The following IRF2 variants were observed in gnomAD, a reference collection of about 807,000 sequenced individuals.
IRF2 encodes the protein interferon regulatory factor 2.
A neutral mutation model predicts 40.6 loss-of-function variants in IRF2; 15 were observed. The observed-to-expected ratio is 0.37, with a 90% confidence interval of 0.25 to 0.57. IRF2 has a LOEUF of 0.57. IRF2 is among the 20% of genes least tolerant of loss of function. The pLI, the probability that IRF2 is intolerant of heterozygous loss-of-function variation, is 0.77. For synonymous variants in IRF2, 151 were observed against 165.5 expected, an observed-to-expected ratio of 0.91 and a Z score of 0.67; for missense variants, 317 against 455.7, an observed-to-expected ratio of 0.70 and a Z score of 2.77.
chr4:184,421,414 G>C (rs1253041528), intron 2 of IRF2, among the ~76,000 whole-genome samples: 2 of 152,176 alleles, frequency 1.3e-5, no homozygotes, highest in Non-Finnish European at 2.9e-5. Flanking sequence ...ACAGTGATCA[G>C]AAAGGGGCTG....
At chr4:184,439,109 A>T (rs910945604) in intron 1 of IRF2, among the ~76,000 whole-genome samples, 12 of 152,202 alleles carry the variant, frequency 7.9e-5, no homozygotes, top group Non-Finnish European at 1.8e-4. Context: ...TCATAGGTTC[A>T]TTTAAGAATG....
rs1188763201 is a variant in IRF2 at position 184,387,935 on chromosome 4, G to T, written c.*823C>A. ...ATAAAAAACAATTATATTTTATTTA[G>T]AATTTTACCTTGAATAAAATATTCC... On this transcript the variant is annotated 3_prime_UTR_variant, in exon 9 of 9. Coordinates refer to ENST00000393593, the MANE Select transcript of IRF2 (RefSeq NM_002199.4). 6.6e-6 allele frequency: 1 copy of T among 152,376 alleles called. No homozygotes were observed. Among genetic ancestry groups the T allele is most frequent in the Non-Finnish European group, 1.5e-5 (1 of 68,006 alleles). 9.4% of individuals were successfully genotyped at this position (152,376 alleles called of 1,614,324 possible).
Position 184,413,108 on chromosome 4 carries a change from C to T in IRF2, c.412-4833G>A, listed in dbSNP as rs1207334161. On this transcript the variant is annotated intron_variant, in intron 5 of 8. Transcript: ENST00000393593. This position sits in a 1 kb window ranked among gnomAD's most constrained non-coding sequence, Gnocchi z 4.2. ...CCGCTCTTATCTGCATCCTCCGTAC[C>T]CTCTTCCACTTTCTGGAGAAATGTC... Among the ~76,000 whole-genome samples, 1 of 152,216 alleles carries T rather than the reference C, an allele frequency of 6.6e-6. No homozygotes were observed. The highest frequency in any genetic ancestry group is 1.5e-5 in the Non-Finnish European group (1 of 68,046).
intron 1 of IRF2, among the ~76,000 whole-genome samples, chr4:184,440,502 C>G (rs1275182171): frequency 1.3e-5 from 2 of 152,246 alleles, no homozygotes; most frequent in African/African-American, 4.8e-5. Context: ...TGGCCACTTT[C>G]CCACTACAAA....
chr4:184,395,844 G>A (rs1736435320), intron 7 of IRF2, among the ~76,000 whole-genome samples: 2 of 152,232 alleles, frequency 1.3e-5, no homozygotes, highest in Admixed American at 6.5e-5. Context: ...CTATGCAAAT[G>A]TCCTGAAGAG....
At position 184,413,691 on chromosome 4, in the gene IRF2, C is replaced by A. The variant is rs990012326; in HGVS notation, c.411+4476G>T. 6.6e-6 allele frequency among the ~76,000 whole-genome samples: 1 copy of A among 152,190 alleles called. No homozygotes were observed. Among genetic ancestry groups the A allele is most frequent in the Non-Finnish European group, 1.5e-5 (1 of 68,024 alleles). ...ATCTTTTCCAAGCGACTTTGGCAGC[C>A]CTTCCCAATTCTGTCTCCTTCATAA... is the stretch of plus-strand genomic sequence containing the variant. On this transcript the variant is annotated intron_variant, in intron 5 of 8. Coordinates refer to ENST00000393593, the MANE Select transcript of IRF2 (RefSeq NM_002199.4). This position sits in a 1 kb window ranked among gnomAD's most constrained non-coding sequence, Gnocchi z 4.2.
intron 5 of IRF2, among the ~76,000 whole-genome samples, chr4:184,416,398 T>TAA (rs569437089): frequency 2.8e-4 from 38 of 137,190 alleles, no homozygotes; most frequent in East Asian, 1.2e-3. Flanking sequence ...TGTTCAATTG[T>TAA]AAAAAAAAAA....
In IRF2 at chr4:184,425,496, C is replaced by T. The variant is rs551791665; in HGVS notation, c.87+3482G>A. On this transcript the variant is annotated intron_variant, in intron 2 of 8. Coordinates refer to ENST00000393593, the MANE Select transcript of IRF2 (RefSeq NM_002199.4). The stretch of plus-strand genomic sequence containing the variant: ...GCAGCTTGACAGGGCCTCGGGGCCA[C>T]AGTGCAGGCCTCGGCCTCTGTTCCA... 1.1e-3 allele frequency among the ~76,000 whole-genome samples: 170 copies of T among 152,378 alleles called. No homozygotes were observed. In the Middle Eastern group the frequency reaches 0.014, roughly 12 times the overall value.
chr4:184,427,382 A>T (rs1579845686), intron 2 of IRF2, among the ~76,000 whole-genome samples: 1 of 152,232 alleles, frequency 6.6e-6, no homozygotes, highest in Non-Finnish European at 1.5e-5. Flanking sequence ...CAGGCTGGGC[A>T]CTGCGGCTCA....
chr4:184,392,490 G>T (rs1736293232), intron 7 of IRF2, among the ~76,000 whole-genome samples: 1 of 152,220 alleles, frequency 6.6e-6, no homozygotes. Flanking sequence ...ACGTCAGCAA[G>T]CAGCTGCTCT....
chr4:184,445,325 G>A (rs1738465853), intron 1 of IRF2, among the ~76,000 whole-genome samples: 1 of 152,186 alleles, frequency 6.6e-6, no homozygotes, highest in Admixed American at 6.5e-5. Flanking sequence ...AGACTGTCCT[G>A]ATGTCAGCAG....
At chr4:184,438,986 GACGTTTA>G (rs1159502785) in intron 1 of IRF2, among the ~76,000 whole-genome samples, 1 of 152,186 alleles carries the variant, frequency 6.6e-6, no homozygotes, top group Non-Finnish European at 1.5e-5. Context: ...AAATCAGAAA[GACGTTTA>G]ACGTTTGGAT....
rs963136498 is a variant in IRF2, at chr4:184,408,592, A to C, written c.412-317T>G. 4.6e-5 allele frequency among the ~76,000 whole-genome samples: 7 copies of C among 152,228 alleles called. 1 individual carries two copies. In the Middle Eastern group the frequency reaches 0.014, roughly 296 times the overall value. ...CAGAGCTGCATCATTGTCTCTGTAAAATGCTGCACTGCGTGGATTCTACAC... is the reference window on the plus strand; with the variant it reads ...CAGAGCTGCATCATTGTCTCTGTAACATGCTGCACTGCGTGGATTCTACAC... On this transcript the variant is annotated intron_variant, in intron 5 of 8. Transcript: ENST00000393593. This position sits in a 1 kb window ranked among gnomAD's most constrained non-coding sequence, Gnocchi z 4.9.
rs1185350162 is a variant in IRF2 at position 184,429,093 on chromosome 4, T to A, written c.-6-23A>T. The A allele has an allele frequency of 4.4e-6, 7 of 1,596,572 alleles. No homozygotes were observed. In the African/African-American group the frequency reaches 9.4e-5, roughly 21 times the overall value. ...GCCCTTGAGGGAGAGAAACACAGCG[T>A]CAGGCGTTGGTGCCACTCAGTGTGG... is the stretch of plus-strand genomic sequence containing the variant. On this transcript the variant is annotated intron_variant, in intron 1 of 8. Coordinates refer to ENST00000393593, the MANE Select transcript of IRF2 (RefSeq NM_002199.4).
intron 1 of IRF2, among the ~76,000 whole-genome samples, chr4:184,458,400 G>A (rs1739020552): frequency 2.0e-5 from 3 of 152,054 alleles, no homozygotes; most frequent in South Asian, 2.1e-4. Flanking sequence ...TTACATCTTC[G>A]CAGCATAGGG....
At chr4:184,412,274 T>G (rs946130224) in intron 5 of IRF2, among the ~76,000 whole-genome samples, 1 of 152,134 alleles carries the variant, frequency 6.6e-6, no homozygotes, top group African/African-American at 2.4e-5. Context: ...GCACACTTCT[T>G]TAGACCTGTA....
chr4:184,423,842 C>T (rs943029945), intron 2 of IRF2, among the ~76,000 whole-genome samples: 5 of 152,154 alleles, frequency 3.3e-5, no homozygotes, highest in Admixed American at 6.5e-5. Context: ...CCAAACACAA[C>T]CTGTGGACAG....
chr4:184,473,442 C>T (rs1387815136), intron 1 of IRF2, among the ~76,000 whole-genome samples: 1 of 147,568 alleles, frequency 6.8e-6, no homozygotes, highest in Non-Finnish European at 1.5e-5. Context: ...GGCGGCTGAC[C>T]CCTCGGCACG....
intron 7 of IRF2, among the ~76,000 whole-genome samples, chr4:184,398,215 G>C (rs1721263234): frequency 6.6e-6 from 1 of 152,178 alleles, no homozygotes; most frequent in Admixed American, 6.5e-5. Flanking sequence ...TGAAGGAACA[G>C]GAAGAGATCA....
Sources: allele counts gnomAD v4.1 joint callset (sites outside exome capture counted in the v4.1 genomes callset), GRCh38; gene constraint gnomAD v4.1.1; non-coding constraint Gnocchi (gnomAD v3.1); transcripts MANE v1.5; gene names NCBI Gene and HGNC (gene_info 2026-07-23, HGNC 2026-07-21).